DCC: variants seen among roughly 807,000 people sequenced by gnomAD.
The protein encoded by DCC is DCC netrin 1 receptor.
Under a neutral mutation model 172.5 loss-of-function variants are expected in DCC, and 58 were observed. The observed-to-expected ratio is 0.34, with a 90% CI of 0.27 to 0.42. DCC has a LOEUF of 0.42. Among genes scored for constraint, DCC ranks in the 10% least tolerant of loss-of-function variants. DCC has a pLI of 1.00. For synonymous variants in DCC, 709 were observed against 644.5 expected, an observed-to-expected ratio of 1.10 and a Z score of -1.52; for missense variants, 1,740 against 1,791.0, an observed-to-expected ratio of 0.97 and a Z score of 0.51.
intron 14 of DCC, among the ~76,000 whole-genome samples, chr18:53,326,071 G>A (rs1479346947): frequency 2.0e-5 from 3 of 152,226 alleles, no homozygotes; most frequent in South Asian, 2.1e-4. Context: ...TCCCTTACCA[G>A]TCAATTGTCA....
intron 15 of DCC, among the ~76,000 whole-genome samples, chr18:53,379,322 G>A (rs1350031425): frequency 6.6e-6 from 1 of 152,276 alleles, no homozygotes; most frequent in East Asian, 1.9e-4. Context: ...AGGCCAGTGA[G>A]TGAAGTATAT....
At chr18:53,007,188 T>C (rs566208420) in intron 5 of DCC, among the ~76,000 whole-genome samples, 2 of 152,326 alleles carry the variant, frequency 1.3e-5, no homozygotes, top group South Asian at 4.1e-4. Context: ...ATCTAGTCTT[T>C]GTTGGAAAAG....
chr18:53,499,965 T>A (rs989972411), intron 27 of DCC, among the ~76,000 whole-genome samples: 1 of 152,234 alleles, frequency 6.6e-6, no homozygotes, highest in Admixed American at 6.5e-5. Flanking sequence ...CAGGAGTTCT[T>A]ATTTATTTCA....
In DCC at chr18:52,376,483, A is replaced by ATGTGTG. The variant is rs35302015; in HGVS notation, c.91+35625_91+35630dup. ...TTCTCAAAAATAATAGTATATTTCT[A>ATGTGTG]TGTGTGTGTGTGTGTGTGTGTGTGT... On this transcript the variant is annotated intron_variant, in intron 1 of 28. Coordinates refer to ENST00000442544, the MANE Select transcript of DCC (RefSeq NM_005215.4). 5.6e-3 allele frequency among the ~76,000 whole-genome samples: 843 copies of ATGTGTG among 150,060 alleles called. 6 individuals are homozygous for ATGTGTG. Among genetic ancestry groups the ATGTGTG allele is most frequent in the African/African-American group, 0.016 (641 of 40,992 alleles).
chr18:52,504,725 G>C (rs183417809), intron 1 of DCC, among the ~76,000 whole-genome samples: 7 of 152,124 alleles, frequency 4.6e-5, no homozygotes, highest in Admixed American at 3.3e-4. Context: ...CTCTCCTCCT[G>C]CTTCCCCCCT....
At chr18:52,719,090 A>T (rs1325941080) in intron 1 of DCC, among the ~76,000 whole-genome samples, 1 of 150,374 alleles carries the variant, frequency 6.7e-6, no homozygotes, top group African/African-American at 2.4e-5. Flanking sequence ...CATCACTCCA[A>T]CCTCTGCCTC....
intron 2 of DCC, among the ~76,000 whole-genome samples, chr18:52,772,172 CTT>C (rs1394130486): frequency 2.0e-5 from 3 of 151,514 alleles, no homozygotes; most frequent in African/African-American, 7.3e-5. Flanking sequence ...ATGACAAACA[CTT>C]AGGTAAATGG....
intron 1 of DCC, among the ~76,000 whole-genome samples, chr18:52,691,910 A>T (rs1165535436): frequency 6.6e-6 from 1 of 152,162 alleles, no homozygotes; most frequent in Non-Finnish European, 1.5e-5. Context: ...TTTTTATATC[A>T]ATGACTTCAG....
chr18:52,871,567 C>T (rs1465720199), intron 2 of DCC, among the ~76,000 whole-genome samples: 9 of 152,100 alleles, frequency 5.9e-5, no homozygotes, highest in Non-Finnish European at 1.0e-4. Context: ...AGGCTCAAGC[C>T]ATCCTCCTAC....
intron 7 of DCC, among the ~76,000 whole-genome samples, chr18:53,151,415 G>T (rs528734284): frequency 4.9e-4 from 75 of 152,160 alleles, no homozygotes; most frequent in African/African-American, 1.8e-3. Flanking sequence ...AAAACTCAGG[G>T]CTTAAAAATA....
chr18:52,877,867 C>G (rs1431623987), intron 2 of DCC, among the ~76,000 whole-genome samples: 1 of 152,000 alleles, frequency 6.6e-6, no homozygotes, highest in African/African-American at 2.4e-5. Flanking sequence ...GAATCTGCTT[C>G]CCTGTCCCGT....
chr18:52,843,606 T>C (rs2038840898), intron 2 of DCC, among the ~76,000 whole-genome samples: 1 of 152,210 alleles, frequency 6.6e-6, no homozygotes, highest in African/African-American at 2.4e-5. Context: ...TTGTTTCCTT[T>C]CAAACATAAT....
At chr18:52,342,029 C>T (rs1029683706) in intron 1 of DCC, among the ~76,000 whole-genome samples, 4 of 152,144 alleles carry the variant, frequency 2.6e-5, no homozygotes, top group African/African-American at 9.7e-5. Flanking sequence ...CCCCAGCCTC[C>T]CCGGAGTCCG....
At chr18:52,989,459 G>A (rs765576707) in intron 5 of DCC, among the ~76,000 whole-genome samples, 2 of 151,676 alleles carry the variant, frequency 1.3e-5, no homozygotes, top group African/African-American at 2.4e-5. Context: ...GGAGGTGGTC[G>A]TTGCAGTGAA....
intron 5 of DCC, among the ~76,000 whole-genome samples, chr18:53,026,861 C>T (rs2041961453): frequency 6.6e-6 from 1 of 152,082 alleles, no homozygotes; most frequent in Admixed American, 6.6e-5. Context: ...TATGCCTGGC[C>T]TGACCCCCTC....
At chr18:53,464,979 CAAA>C (rs71179510) in intron 24 of DCC, among the ~76,000 whole-genome samples, 7 of 54,848 alleles carry the variant, frequency 1.3e-4, no homozygotes, top group African/African-American at 3.5e-4. Context: ...AACTCAATCT[CAAA>C]AAAAAAAAAA....
chr18:52,923,816 A>C lies in DCC; in HGVS notation c.807A>C (p.Pro269=). Residue 269 remains proline (P), a synonymous_variant, in exon 4 of 29, where the codon CCA becomes CCC. Coordinates refer to ENST00000442544, the MANE Select transcript of DCC (RefSeq NM_005215.4). ...GTTGTGTTTCTGGCTATCCTCCACC[A>C]AGTTTTACCTGGTTACGAGGCGAGG... ...LECCVSGYPP[P]SFTWLRGEEV... 6.2e-7 allele frequency: 1 copy of C among 1,613,434 alleles called. No individual in the cohort carries two copies. The highest frequency in any genetic ancestry group is 1.3e-5 in the African/African-American group (1 of 75,006).
chr18:53,178,233 C>T (rs547806684), intron 8 of DCC, among the ~76,000 whole-genome samples: 70 of 152,278 alleles, frequency 4.6e-4, no homozygotes, highest in Admixed American at 9.8e-4. Flanking sequence ...CATATCCAAA[C>T]GGTTTGTCAT....
At position 53,131,936 on chromosome 18, in the gene DCC, A is replaced by G. The variant is rs1445202577; in HGVS notation, c.1262-25420A>G. ...TATAATGGCACTTGGCAAACATGGT[A>G]TCATTGTCTCTAAGTGATTTTTTTT... On this transcript the variant is annotated intron_variant, in intron 7 of 28. Transcript: ENST00000442544. Among the ~76,000 whole-genome samples the G allele has an allele frequency of 4.0e-5, 5 of 126,098 alleles. No homozygotes were observed. In the East Asian group the frequency reaches 9.8e-4, roughly 25 times the overall value. 82.7% of individuals were successfully genotyped at this position (126,098 alleles called of 152,430 possible).
Sources: gnomAD v4.1 joint callset for allele counts (sites outside exome capture counted in the v4.1 genomes callset) on GRCh38, gnomAD v4.1.1 for gene constraint, MANE v1.5 for transcripts, NCBI Gene and HGNC (gene_info 2026-07-23, HGNC 2026-07-21) for gene names.